The following TOR1AIP1 variants were observed in gnomAD, a reference collection of about 807,000 sequenced individuals.
TOR1AIP1 encodes the protein torsin 1A interacting protein 1.
In TOR1AIP1, 54 loss-of-function variants were observed where a neutral mutation model predicts 63.3. That is an observed-to-expected ratio of 0.85 (90% CI 0.69 to 1.07). TOR1AIP1 has a LOEUF of 1.07. Ranked by LOEUF, TOR1AIP1 falls within the 50% of genes least tolerant of loss-of-function variation. The probability of loss-of-function intolerance (pLI) is 0.00; values close to 1 mark genes in which losing one functional copy is unlikely to be tolerated. For synonymous variants in TOR1AIP1, 294 were observed against 273.5 expected, an observed-to-expected ratio of 1.07 and a Z score of -0.74; for missense variants, 736 against 715.0, an observed-to-expected ratio of 1.03 and a Z score of -0.33.
At chr1:179,914,798 A>AC (rs1648942500) in intron 9 of TOR1AIP1, among the ~76,000 whole-genome samples, 1 of 152,008 alleles carries the variant, frequency 6.6e-6, no homozygotes, top group Non-Finnish European at 1.5e-5. Flanking sequence ...GTCTCAAAAA[A>AC]AAAAAAAAAA....
intron 2 of TOR1AIP1, among the ~76,000 whole-genome samples, chr1:179,888,987 A>T (rs1371366704): frequency 6.6e-6 from 1 of 152,204 alleles, no homozygotes; most frequent in African/African-American, 2.4e-5. Context: ...TTGAGTTGGT[A>T]CCATAATACA....
chr1:179,917,886 A>G lies in TOR1AIP1; in HGVS notation c.1399A>G (p.Asn467Asp). Reference sequence around the variant, plus strand: ...ACTAGAGGTAGACCAAGAACTGAGCAATGGATTTAAGAATGGCCAGAATGC... The same window carrying G: ...ACTAGAGGTAGACCAAGAACTGAGCGATGGATTTAAGAATGGCCAGAATGC... ...VKLEVDQELSNGFKNGQNAAV... is the reference protein window; with the variant it reads ...VKLEVDQELSDGFKNGQNAAV... Residue 467 changes from asparagine to aspartate, a missense_variant, in exon 10 of 10, where the codon AAT becomes GAT. By Grantham distance (23) the Asn-to-Asp change is conservative (BLOSUM62 1). Coordinates refer to ENST00000606911, the MANE Select transcript of TOR1AIP1 (RefSeq NM_015602.4). 1 of 1,614,238 alleles carries G rather than the reference A, an allele frequency of 6.2e-7. No homozygotes were observed. Among genetic ancestry groups the G allele is most frequent in the Non-Finnish European group, 8.5e-7 (1 of 1,180,052 alleles).
At position 179,914,185 on chromosome 1, in the gene TOR1AIP1, A is replaced by G. The variant is rs113627152; in HGVS notation, c.964+131A>G. 1.1e-3 allele frequency: 875 copies of G among 775,414 alleles called. 6 individuals carry two copies. In the African/African-American group the frequency reaches 0.014, roughly 12 times the overall value. The allele number at this position is 775,414 out of a possible 1,614,324, so 48.0% of individuals were successfully genotyped here. On this transcript the variant is annotated intron_variant, in intron 9 of 9. Coordinates refer to ENST00000606911, the MANE Select transcript of TOR1AIP1 (RefSeq NM_015602.4). ...AATCACATTTTAAGCACTTGAGAGG[A>G]AAAAGTATATATTCTACTAGCAGTG... is the stretch of plus-strand genomic sequence containing the variant.
chr1:179,908,319 A>G (rs1164979979), intron 7 of TOR1AIP1, among the ~76,000 whole-genome samples: 1 of 152,184 alleles, frequency 6.6e-6, no homozygotes, highest in Non-Finnish European at 1.5e-5. Context: ...GGTACTACCT[A>G]TAATAATTAC....
At chr1:179,887,338 G>T (rs1056118175) in intron 2 of TOR1AIP1, among the ~76,000 whole-genome samples, 15 of 152,258 alleles carry the variant, frequency 9.9e-5, no homozygotes, top group African/African-American at 3.6e-4. Context: ...GGCGGAGGTT[G>T]CAGTGAGCCG....
intron 6 of TOR1AIP1, among the ~76,000 whole-genome samples, chr1:179,904,962 A>G (rs567501855): frequency 6.6e-6 from 1 of 152,250 alleles, no homozygotes; most frequent in Admixed American, 6.5e-5. Flanking sequence ...TTTTCTTTTG[A>G]CATTTTTAAA....
intron 3 of TOR1AIP1, among the ~76,000 whole-genome samples, chr1:179,897,471 T>C (rs1648323750): frequency 6.6e-6 from 1 of 152,208 alleles, no homozygotes. Context: ...TCTTCAAATG[T>C]ATACAGATAA....
Position 179,917,720 on chromosome 1 carries a change from G to C in TOR1AIP1, c.1233G>C (p.Leu411=), listed in dbSNP as rs1649063993. The part of the protein sequence containing the change: ...SHPRSQPAIL[L]LTAARDAEEA... ...CTCGGTCTCAGCCTGCTATCTTACT[G>C]CTCACTGCTGCCCGAGATGCTGAAG... The change falls in exon 10 of 10, where the codon CTG becomes CTC. Residue 411 remains leucine (L), a synonymous_variant. Transcript: ENST00000606911. 6.2e-7 allele frequency: 1 copy of C among 1,614,090 alleles called. No homozygotes were observed. The highest frequency in any genetic ancestry group is 1.1e-5 in the South Asian group (1 of 91,090).
intron 4 of TOR1AIP1, 41 bp downstream of exon 4, chr1:179,900,208 C>A: frequency 7.2e-7 from 1 of 1,388,932 alleles, no homozygotes; most frequent in Non-Finnish European, 1.0e-6. Context: ...TACTTTAAGT[C>A]TTTTTCTTTA....
intron 3 of TOR1AIP1, among the ~76,000 whole-genome samples, chr1:179,890,967 A>G (rs1174982473): frequency 1.3e-5 from 2 of 152,178 alleles, no homozygotes; most frequent in East Asian, 3.8e-4. Context: ...GATTAATAGA[A>G]TACAAGAGTA....
At chr1:179,894,385 G>A (rs1648200358) in intron 3 of TOR1AIP1, among the ~76,000 whole-genome samples, 1 of 151,886 alleles carries the variant, frequency 6.6e-6, no homozygotes, top group South Asian at 2.1e-4. Context: ...TGTACCCAGA[G>A]CACAAGAAGA....
At chr1:179,899,645 C>A (rs555250273) in intron 3 of TOR1AIP1, among the ~76,000 whole-genome samples, 31 of 152,230 alleles carry the variant, frequency 2.0e-4, no homozygotes, top group African/African-American at 7.5e-4. Context: ...TTAAACACTT[C>A]ATTTCCTTTT....
intron 8 of TOR1AIP1, among the ~76,000 whole-genome samples, chr1:179,910,597 G>T (rs1648802062): frequency 6.6e-6 from 1 of 152,108 alleles, no homozygotes; most frequent in Non-Finnish European, 1.5e-5. Context: ...TGCTCTTCCT[G>T]ACCTATTATA....
intron 6 of TOR1AIP1, among the ~76,000 whole-genome samples, chr1:179,907,601 A>G (rs969144637): frequency 7.8e-4 from 18 of 23,076 alleles, no homozygotes; most frequent in African/African-American, 1.8e-3. Flanking sequence ...CTTTATATAT[A>G]TATATATATA....
chr1:179,889,193 TC>T, intron 2 of TOR1AIP1, 119 bp from the exon 3 acceptor site: 1 of 665,830 alleles, frequency 1.5e-6, no homozygotes, highest in Non-Finnish European at 2.3e-6. Context: ...TCTCTACTTC[TC>T]TAGCGTAAAT....
intron 3 of TOR1AIP1, among the ~76,000 whole-genome samples, chr1:179,893,299 A>G (rs939220700): frequency 1.3e-4 from 20 of 152,182 alleles, no homozygotes; most frequent in African/African-American, 4.6e-4. Context: ...CAATTCCTTT[A>G]TAGTAATGTT....
In TOR1AIP1 at chr1:179,918,536, C is replaced by A. The variant is rs1649095030; in HGVS notation, c.*297C>A. 2 of 265,024 alleles carry A rather than the reference C, an allele frequency of 7.5e-6. No homozygotes were observed. The highest frequency in any genetic ancestry group is 9.6e-5 in the Admixed American group (2 of 20,758). 16.4% of individuals were successfully genotyped at this position (265,024 alleles called of 1,614,324 possible). A position where few individuals can be genotyped will look rare whatever the true frequency, so the allele number is the denominator to read the frequency against. On this transcript the variant is annotated 3_prime_UTR_variant, in exon 10 of 10. Transcript: ENST00000606911. ...CTGAGTTATTACAGTTATGGTATGA[C>A]CAGTGAGAGGGATTTGTGTCCTTTC... is the stretch of plus-strand genomic sequence containing the variant.
chr1:179,894,930 C>T (rs953486055), intron 3 of TOR1AIP1, among the ~76,000 whole-genome samples: 2 of 152,142 alleles, frequency 1.3e-5, no homozygotes, highest in African/African-American at 4.8e-5. Flanking sequence ...TTCAAAATAA[C>T]TAGGGAATTT....
chr1:179,916,923 G>A (rs1224596015), intron 9 of TOR1AIP1, among the ~76,000 whole-genome samples: 2 of 151,596 alleles, frequency 1.3e-5, no homozygotes, highest in East Asian at 1.9e-4. Context: ...TCCTGACCTC[G>A]TGATCCTCCC....
Sources: allele counts gnomAD v4.1 joint callset (sites outside exome capture counted in the v4.1 genomes callset), GRCh38; gene constraint gnomAD v4.1.1; transcripts MANE v1.5; gene names NCBI Gene and HGNC (gene_info 2026-07-23, HGNC 2026-07-21).